Variants in ZNF44 observed in about 807,000 individuals in gnomAD.
ZNF44 encodes zinc finger protein 44, also known as gonadotropin inducible transcription repressor-2.
A neutral mutation model predicts 11.7 loss-of-function variants in ZNF44; 9 were observed. The ratio of observed to expected loss-of-function variants is 0.77; its 90% CI spans 0.46 to 1.35. The LOEUF is 1.35. Among genes scored for constraint, ZNF44 ranks in the 40% most tolerant of loss-of-function variants. ZNF44 has a pLI of 0.00. For missense variants in ZNF44, 696 were observed against 743.1 expected, an observed-to-expected ratio of 0.94 and a Z score of 0.74; for synonymous variants, 224 against 242.7, an observed-to-expected ratio of 0.92 and a Z score of 0.72.
In ZNF44 at chr19:12,284,796, G is replaced by A. The variant is rs550520288; in HGVS notation, c.4-8714C>T. 21 of 1,182,544 alleles carry A rather than the reference G, an allele frequency of 1.8e-5. No individual in the cohort carries two copies. In the East Asian group the frequency reaches 2.5e-4, roughly 14 times the overall value. 73.3% of individuals were successfully genotyped at this position (1,182,544 alleles called of 1,614,324 possible). A position where few individuals can be genotyped will look rare whatever the true frequency, so the allele number is the denominator to read the frequency against. ...CCTGGCCAAGCTCTCCACTGTCCTC[G>A]TGCGCAGAGGCTACTGGGGGAACAA... On this transcript the variant is annotated intron_variant, in intron 1 of 3. Coordinates refer to ENST00000355684, the MANE Select transcript of ZNF44 (RefSeq NM_016264.4).
In ZNF44 at chr19:12,290,399, A is replaced by C. The variant is rs138965357; in HGVS notation, c.3+4293T>G. 7.6e-3 allele frequency among the ~76,000 whole-genome samples: 1,118 copies of C among 147,980 alleles called. 10 individuals are homozygous for C. Among genetic ancestry groups the C allele is most frequent in the African/African-American group, 0.021 (847 of 40,064 alleles). On this transcript the variant is annotated intron_variant, in intron 1 of 3. Transcript: ENST00000355684. Reference sequence around the variant, plus strand: ...AGAGTGAAACTCCGTCTTAAACAAAAAAAAAAAAAAGGCTCCTCCCAGGCC... The same window carrying C: ...AGAGTGAAACTCCGTCTTAAACAAACAAAAAAAAAAGGCTCCTCCCAGGCC...
At chr19:12,241,124 A>C (rs1467097541), upstream of ZNF44, among the ~76,000 whole-genome samples, 1 of 152,196 alleles carries the variant, frequency 6.6e-6, no homozygotes, top group East Asian at 1.9e-4. Flanking sequence ...AAAGATATAT[A>C]AATGGCCAAC....
At chr19:12,287,687 A>G (rs1967826131) in intron 1 of ZNF44, among the ~76,000 whole-genome samples, 2 of 152,088 alleles carry the variant, frequency 1.3e-5, no homozygotes, top group African/African-American at 4.8e-5. Flanking sequence ...AATATACCAC[A>G]TTTTCATTAT....
At chr19:12,256,698 T>TA (rs1491370463) in intron 5 of ZNF44, among the ~76,000 whole-genome samples, 1 of 75,812 alleles carries the variant, frequency 1.3e-5, no homozygotes, top group African/African-American at 9.5e-5. Context: ...GCAATTACTC[T>TA]TTTTTTTTTT....
chr19:12,291,236 C>T (rs1214864502), intron 1 of ZNF44: 1 of 455,666 alleles, frequency 2.2e-6, no homozygotes, highest in Non-Finnish European at 4.4e-6. Flanking sequence ...TATCCACTGT[C>T]CCAAGTTCTC....
At chr19:12,289,757 G>A (rs1967925917) in intron 1 of ZNF44, among the ~76,000 whole-genome samples, 1 of 146,788 alleles carries the variant, frequency 6.8e-6, no homozygotes, top group Admixed American at 7.1e-5. Context: ...CCATTCTCCT[G>A]CCTCAGCCTC....
At chr19:12,238,743 C>T (rs911939890), upstream of ZNF44, among the ~76,000 whole-genome samples, 14 of 152,120 alleles carry the variant, frequency 9.2e-5, no homozygotes, top group Non-Finnish European at 1.8e-4. Flanking sequence ...TTGCAGTGAG[C>T]CGAGATCGTG....
At chr19:12,229,834 G>A (rs749957529) in intron 3 of ZNF44, among the ~76,000 whole-genome samples, 2 of 151,934 alleles carry the variant, frequency 1.3e-5, no homozygotes, top group African/African-American at 4.8e-5. Context: ...GGATGGTCTC[G>A]ATCTCCTGAC....
At chr19:12,276,240 A>G in intron 1 of ZNF44, 158 bp from the exon 2 acceptor site, 1 of 1,166,008 alleles carries the variant, frequency 8.6e-7, no homozygotes, top group Admixed American at 2.0e-5. Context: ...TCACTGTCTG[A>G]TGCTGGAATT....
chr19:12,252,029 C>T (rs1488327069), intron 5 of ZNF44, among the ~76,000 whole-genome samples: 1 of 118,646 alleles, frequency 8.4e-6, no homozygotes, highest in Non-Finnish European at 1.7e-5. Flanking sequence ...CCAGCCTGGG[C>T]AATAAGAGTG....
chr19:12,294,813 GGTCACCA>G lies in ZNF44; in HGVS notation c.-126_-120del. The G allele has an allele frequency of 8.1e-7, 1 of 1,227,890 alleles. No homozygotes were observed. Among genetic ancestry groups the G allele is most frequent in the Non-Finnish European group, 1.1e-6 (1 of 907,540 alleles). 76.1% of individuals were successfully genotyped at this position (1,227,890 alleles called of 1,614,324 possible). A position where few individuals can be genotyped will look rare whatever the true frequency, so the allele number is the denominator to read the frequency against. ...TCTCAGTGACAGAATACGGAACAGA[GGTCACCA>G]GGGTGAAGAGGCCACTAGCTCCTGG... On this transcript the variant is annotated 5_prime_UTR_variant, in exon 1 of 4. Coordinates refer to ENST00000355684, the MANE Select transcript of ZNF44 (RefSeq NM_016264.4).
chr19:12,273,744 A>T lies in ZNF44; in HGVS notation c.511T>A (p.Cys171Ser), dbSNP rs768191526. Residue 171 changes from cysteine to serine, a missense_variant, in exon 4 of 4, where the codon TGT becomes AGT. Coordinates refer to ENST00000355684, the MANE Select transcript of ZNF44 (RefSeq NM_016264.4). ...RPHTGKKPYD[C>S]KECGKTFSSP... ...CTGAAGGTTTTTCCACATTCCTTAC[A>T]ATCATAGGGTTTCTTTCCAGTGTGA... is the stretch of plus-strand genomic sequence containing the variant. 6.2e-7 allele frequency: 1 copy of T among 1,614,166 alleles called. No individual in the cohort carries two copies. The highest frequency in any genetic ancestry group is 8.5e-7 in the Non-Finnish European group (1 of 1,180,008).
intron 1 of ZNF44, among the ~76,000 whole-genome samples, chr19:12,277,549 G>C (rs539161284): frequency 3.7e-4 from 57 of 152,148 alleles, no homozygotes; most frequent in African/African-American, 1.3e-3. Context: ...AAAGTAGACA[G>C]CTTTACAAAA....
exon 4 of ZNF44, chr19:12,226,261 C>T (rs1023798571): frequency 6.6e-6 from 1 of 152,146 alleles, no homozygotes; most frequent in Non-Finnish European, 1.5e-5. Flanking sequence ...GCAAGGCCAG[C>T]CATAGATTTG....
At chr19:12,251,480 C>G (rs960084935) in intron 5 of ZNF44, among the ~76,000 whole-genome samples, 21 of 152,042 alleles carry the variant, frequency 1.4e-4, no homozygotes, top group African/African-American at 4.8e-4. Flanking sequence ...GAGAAGTGTT[C>G]ATTTTCACTA....
rs773828680 is a variant in ZNF44 at position 12,247,775 on chromosome 19, A to G, written c.*1090T>C. On this transcript the variant is annotated 3_prime_UTR_variant and NMD_transcript_variant, in exon 8 of 8. Coordinates refer to the ZNF44 transcript ENST00000393337. ...ATGCTTTTCCACATTTTTTACACTC[A>G]AAGGGTTTATCTCCAGTGTGAGTAC... 3.8e-6 allele frequency: 5 copies of G among 1,306,812 alleles called. No homozygotes were observed. In the South Asian group the frequency reaches 6.1e-5, roughly 16 times the overall value. 81.0% of individuals were successfully genotyped at this position (1,306,812 alleles called of 1,614,324 possible).
chr19:12,228,182 T>TTTTAAACCTTCAAAACAATTG (rs1915999902), intron 3 of ZNF44, among the ~76,000 whole-genome samples: 1 of 105,920 alleles, frequency 9.4e-6, no homozygotes, highest in Non-Finnish European at 1.9e-5. Flanking sequence ...AACTTAACTT[T>TTTTAAACCTTCAAAACAATTG]TTTAAACCTT....
intron 5 of ZNF44, among the ~76,000 whole-genome samples, chr19:12,258,799 A>C (rs1333994527): frequency 6.6e-6 from 1 of 152,020 alleles, no homozygotes; most frequent in African/African-American, 2.4e-5. Context: ...CATGCACTCC[A>C]GCCTAGGTGA....
At chr19:12,237,721 G>A (rs1311614642), upstream of ZNF44, 1 of 152,378 alleles carries the variant, frequency 6.6e-6, no homozygotes, top group African/African-American at 2.4e-5. Flanking sequence ...AGAAGCCACG[G>A]AAAACTCGGA....
Sources: allele counts gnomAD v4.1 joint callset (sites outside exome capture counted in the v4.1 genomes callset), GRCh38; gene constraint gnomAD v4.1.1; transcripts MANE v1.5; gene names NCBI Gene and HGNC (gene_info 2026-07-23, HGNC 2026-07-21).